The following KAT2B variants were observed in gnomAD, a reference collection of about 807,000 sequenced individuals.
KAT2B encodes lysine acetyltransferase 2B.
In KAT2B, 36 loss-of-function variants were observed where a neutral mutation model predicts 105.9. That is an observed-to-expected ratio of 0.34 (90% confidence interval 0.26 to 0.45). KAT2B has a LOEUF of 0.45. Among genes scored for constraint, KAT2B ranks in the 20% least tolerant of loss-of-function variants. The pLI is 1.00. For synonymous variants in KAT2B, 397 were observed against 377.9 expected, an observed-to-expected ratio of 1.05 and a Z score of -0.59; for missense variants, 820 against 1,021.6, an observed-to-expected ratio of 0.80 and a Z score of 2.69.
In KAT2B at chr3:20,140,165, A is replaced by C. The variant is rs1031859516; in HGVS notation, c.1861-56A>C. 13 of 1,100,802 alleles carry C rather than the reference A, an allele frequency of 1.2e-5. No homozygotes were observed. In the East Asian group the frequency reaches 2.8e-4, roughly 24 times the overall value. 68.2% of individuals were successfully genotyped at this position (1,100,802 alleles called of 1,614,324 possible). Reference sequence around the variant, plus strand: ...ACACAGTGCCTGGAACATAGTTAGCACTCAGTAGATATTTGGTGTATGGTG... The same window carrying C: ...ACACAGTGCCTGGAACATAGTTAGCCCTCAGTAGATATTTGGTGTATGGTG... On this transcript the variant is annotated intron_variant, in intron 12 of 17. Transcript: ENST00000263754.
intron 1 of KAT2B, among the ~76,000 whole-genome samples, chr3:20,069,062 A>G (rs1575114841): frequency 6.6e-6 from 1 of 152,186 alleles, no homozygotes. Flanking sequence ...TTTTAGGTGC[A>G]TTGGTTGGGG....
At chr3:20,110,678 A>G (rs1309174390) in intron 5 of KAT2B, among the ~76,000 whole-genome samples, 39 of 150,114 alleles carry the variant, frequency 2.6e-4, no homozygotes, top group African/African-American at 9.6e-4. Context: ...GTCTCAAAAA[A>G]AAAAAAAAAA....
chr3:20,126,821 CAAAA>C (rs754659716), intron 10 of KAT2B, among the ~76,000 whole-genome samples: 4 of 85,860 alleles, frequency 4.7e-5, no homozygotes, highest in Admixed American at 1.3e-4. Context: ...AACTCCATTT[CAAAA>C]AAAAAAAAAA....
intron 2 of KAT2B, among the ~76,000 whole-genome samples, chr3:20,078,853 AT>A (rs1698467541): frequency 6.7e-6 from 1 of 148,324 alleles, no homozygotes; most frequent in Admixed American, 6.7e-5. Context: ...TACAACCAGA[AT>A]TGATTCAAAG....
rs1309209272 is a variant in KAT2B at position 20,059,598 on chromosome 3, G to A, written c.304-12735G>A. Reference sequence around the variant, plus strand: ...CGGGCGCCTGTAGTCCCAGCTACTTGGGAGGCTGAGGCAGGAGAATGGCGT... The same window carrying A: ...CGGGCGCCTGTAGTCCCAGCTACTTAGGAGGCTGAGGCAGGAGAATGGCGT... On this transcript the variant is annotated intron_variant, in intron 1 of 17. Coordinates refer to ENST00000263754, the MANE Select transcript of KAT2B (RefSeq NM_003884.5). 2.0e-5 allele frequency among the ~76,000 whole-genome samples: 3 copies of A among 151,934 alleles called. No individual in the cohort carries two copies. The East Asian group carries it at 5.8e-4, about 29-fold the overall frequency.
At chr3:20,094,622 A>T (rs1274624993) in intron 2 of KAT2B, among the ~76,000 whole-genome samples, 2 of 152,220 alleles carry the variant, frequency 1.3e-5, no homozygotes, top group Non-Finnish European at 2.9e-5. Context: ...TAGTAAGACA[A>T]CAGAACAAAG....
chr3:20,102,928 A>G (rs1698934779), intron 5 of KAT2B, among the ~76,000 whole-genome samples: 1 of 152,164 alleles, frequency 6.6e-6, no homozygotes. Context: ...GATAACATGG[A>G]AGAATTGTAT....
Position 20,113,165 on chromosome 3 carries a change from G to T in KAT2B, c.1043+1378G>T, listed in dbSNP as rs536871303. ...AGTTTGGATGTTGCTCCCAAAATGG[G>T]TTATGAAATTAGGGCACACTCATGT... On this transcript the variant is annotated intron_variant, in intron 6 of 17. Transcript: ENST00000263754. 9.8e-5 allele frequency among the ~76,000 whole-genome samples: 15 copies of T among 152,296 alleles called. No homozygotes were observed. The South Asian group carries it at 1.5e-3, about 15-fold the overall frequency.
chr3:20,136,251 C>T (rs1257969127), intron 11 of KAT2B, among the ~76,000 whole-genome samples: 1 of 152,190 alleles, frequency 6.6e-6, no homozygotes, highest in Non-Finnish European at 1.5e-5. Context: ...TAGATTTACA[C>T]GTTTTCTGTA....
chr3:20,148,582 T>C, intron 17 of KAT2B, 95 bp downstream of exon 17: 1 of 900,722 alleles, frequency 1.1e-6, no homozygotes, highest in Non-Finnish European at 1.7e-6. Flanking sequence ...ACTCCTCTGC[T>C]TAGGGTAGGA....
intron 14 of KAT2B, among the ~76,000 whole-genome samples, chr3:20,147,093 T>C (rs1699794258): frequency 1.9e-5 from 1 of 54,006 alleles, no homozygotes; most frequent in South Asian, 7.3e-4. Flanking sequence ...CCATTGAATA[T>C]CATTGGCAAT....
intron 11 of KAT2B, among the ~76,000 whole-genome samples, chr3:20,131,289 A>G (rs2125183851): frequency 6.6e-6 from 1 of 152,068 alleles, no homozygotes; most frequent in African/African-American, 2.4e-5. Flanking sequence ...TGCTGGGATT[A>G]CAGTTGTGAG....
chr3:20,073,066 C>T (rs1030007472), intron 2 of KAT2B, among the ~76,000 whole-genome samples: 28 of 152,118 alleles, frequency 1.8e-4, no homozygotes, highest in Non-Finnish European at 1.5e-4. Flanking sequence ...ACTCAAAAGG[C>T]CTGTGCTAGT....
intron 6 of KAT2B, among the ~76,000 whole-genome samples, chr3:20,112,901 A>G (rs755230758): frequency 3.9e-5 from 6 of 152,258 alleles, no homozygotes; most frequent in Non-Finnish European, 8.8e-5. Flanking sequence ...AACAAAAATA[A>G]AATGGTTTTC....
At chr3:20,100,062 G>A (rs1167082437) in intron 4 of KAT2B, 108 bp downstream of exon 4, 22 of 642,734 alleles carry the variant, frequency 3.4e-5, no homozygotes, top group Non-Finnish European at 5.9e-5. Flanking sequence ...ACCCAGGTTA[G>A]AGATGTTTAC....
At chr3:20,073,853 T>C (rs1698371074) in intron 2 of KAT2B, among the ~76,000 whole-genome samples, 1 of 152,220 alleles carries the variant, frequency 6.6e-6, no homozygotes. Context: ...AGGCTTGAAG[T>C]GTATTTGTTA....
At chr3:20,116,452 T>G (rs1218930252) in intron 7 of KAT2B, among the ~76,000 whole-genome samples, 2 of 152,168 alleles carry the variant, frequency 1.3e-5, no homozygotes, top group African/African-American at 4.8e-5. Context: ...CCATGGAATT[T>G]GAAATGCACT....
At chr3:20,097,588 G>A (rs1435054679) in intron 3 of KAT2B, among the ~76,000 whole-genome samples, 1 of 152,132 alleles carries the variant, frequency 6.6e-6, no homozygotes, top group East Asian at 1.9e-4. Context: ...CCAGGCTAGA[G>A]TGAAGTGGTG....
chr3:20,055,846 G>C (rs947675856), intron 1 of KAT2B, among the ~76,000 whole-genome samples: 1 of 152,158 alleles, frequency 6.6e-6, no homozygotes, highest in Non-Finnish European at 1.5e-5. Context: ...GCACTGATCT[G>C]ATTTGTGTCA....
Sources: gnomAD v4.1 joint callset for allele counts (sites outside exome capture counted in the v4.1 genomes callset) on GRCh38, gnomAD v4.1.1 for gene constraint, MANE v1.5 for transcripts, NCBI Gene and HGNC (gene_info 2026-07-23, HGNC 2026-07-21) for gene names.